The following SLC13A2 variants were observed in gnomAD, a reference collection of about 807,000 sequenced individuals.
SLC13A2 encodes the protein solute carrier family 13 member 2.
Under a neutral mutation model 58.5 loss-of-function variants are expected in SLC13A2, and 40 were observed. The ratio of observed to expected loss-of-function variants is 0.68; its 90% confidence interval spans 0.53 to 0.89. The LOEUF is 0.89. Ranked by LOEUF, SLC13A2 falls within the 40% of genes least tolerant of loss-of-function variation. The pLI is 0.00. For missense variants in SLC13A2, 694 were observed against 772.6 expected (o/e 0.90, Z 1.21); for synonymous variants, 341 against 331.6 (o/e 1.03, Z -0.31).
At chr17:28,476,337 G>A (rs746507511) in intron 1 of SLC13A2, among the ~76,000 whole-genome samples, 8 of 152,122 alleles carry the variant, frequency 5.3e-5, no homozygotes, top group Admixed American at 1.3e-4. Context: ...GTGAGGACGA[G>A]GCGGGAGAAT....
intron 1 of SLC13A2, among the ~76,000 whole-genome samples, chr17:28,477,370 A>G (rs1354632485): frequency 4.6e-5 from 7 of 151,008 alleles, no homozygotes; most frequent in Non-Finnish European, 1.0e-4. Flanking sequence ...ATTTTTTTGT[A>G]TTTTTAGTAG....
rs1404359381 is a variant in SLC13A2 at position 28,491,417 on chromosome 17, G to C, written c.575-20G>C. 17 of 1,612,194 alleles carry C rather than the reference G, an allele frequency of 1.1e-5. No homozygotes were observed. Among genetic ancestry groups the C allele is most frequent in the Non-Finnish European group, 1.4e-5 (17 of 1,179,548 alleles). ...GCTGGCCCTGTACCTGCCCCCACCT[G>C]GGCTCTCCCTTGTTCCCAGATAATG... On this transcript the variant is annotated intron_variant, in intron 4 of 11. Coordinates refer to ENST00000314669, the MANE Select transcript of SLC13A2 (RefSeq NM_003984.4).
intron 2 of SLC13A2, among the ~76,000 whole-genome samples, chr17:28,489,977 A>T (rs1555602823): frequency 6.6e-6 from 1 of 152,248 alleles, no homozygotes; most frequent in East Asian, 1.9e-4. Flanking sequence ...TTGATATTAA[A>T]TGATAGATAA....
At chr17:28,483,078 G>T (rs1485011397) in intron 1 of SLC13A2, among the ~76,000 whole-genome samples, 2 of 152,168 alleles carry the variant, frequency 1.3e-5, no homozygotes, top group Non-Finnish European at 2.9e-5. Context: ...GAGGAATAAG[G>T]TGTGACACCT....
chr17:28,490,291 T>G, intron 2 of SLC13A2, 163 bp from the exon 3 acceptor site: 2 of 1,577,180 alleles, frequency 1.3e-6, no homozygotes, highest in Non-Finnish European at 1.7e-6. Flanking sequence ...TTAAATTTAT[T>G]TTTTTTAAAT....
intron 1 of SLC13A2, among the ~76,000 whole-genome samples, 178 bp downstream of exon 1, chr17:28,473,992 T>A (rs2068629974): frequency 6.6e-6 from 1 of 152,178 alleles, no homozygotes; most frequent in Non-Finnish European, 1.5e-5. Flanking sequence ...AAGGGGCTTT[T>A]GCTTGGCACC....
intron 1 of SLC13A2, among the ~76,000 whole-genome samples, chr17:28,486,352 A>T (rs1475368091): frequency 2.0e-5 from 3 of 152,198 alleles, no homozygotes; most frequent in African/African-American, 7.2e-5. Context: ...TCATAACCTT[A>T]GTTCGATGTT....
intron 1 of SLC13A2, among the ~76,000 whole-genome samples, chr17:28,481,060 C>T (rs1249048585): frequency 6.6e-6 from 1 of 152,206 alleles, no homozygotes; most frequent in African/African-American, 2.4e-5. Flanking sequence ...TTTATCGGCA[C>T]CTGCTAGGTG....
chr17:28,475,929 C>T (rs1555599825), intron 1 of SLC13A2, among the ~76,000 whole-genome samples: 3 of 152,182 alleles, frequency 2.0e-5, no homozygotes, highest in Non-Finnish European at 4.4e-5. Flanking sequence ...CAATCTGTAA[C>T]CCCAGCCCTA....
chr17:28,493,856 T>A, intron 7 of SLC13A2, 67 bp downstream of exon 7: 1 of 1,531,258 alleles, frequency 6.5e-7, no homozygotes, highest in Non-Finnish European at 9.0e-7. Context: ...GAGGGAAGGG[T>A]ATAGGGCCCC....
intron 1 of SLC13A2, among the ~76,000 whole-genome samples, chr17:28,476,750 AT>A (rs2068677919): frequency 6.6e-6 from 1 of 152,066 alleles, no homozygotes; most frequent in African/African-American, 2.4e-5. Context: ...CTATTTGCTT[AT>A]TTTTTACTTC....
Position 28,494,094 on chromosome 17 carries a change from C to G in SLC13A2, c.1175C>G (p.Thr392Ser), listed in dbSNP as rs781989539. The change falls in exon 8 of 12, where the codon ACC becomes AGC. Residue 392 changes from threonine (T) to serine (S), a missense_variant. Physicochemically the swap from Thr to Ser is moderately conservative, Grantham distance 58. Coordinates refer to ENST00000314669, the MANE Select transcript of SLC13A2 (RefSeq NM_003984.4). This position sits in a 1 kb window ranked among gnomAD's most constrained non-coding sequence, Gnocchi z 4.0. ...FIIPSKFPGL[T>S]QDPENPGKLK... is the part of the protein sequence containing the mutation. ...ATACCCTCCAAGTTCCCAGGGCTGA[C>G]CCAGGACCCAGGTAAGCACCTGGAC... is the stretch of plus-strand genomic sequence containing the variant. 2 of 1,614,068 alleles carry G rather than the reference C, an allele frequency of 1.2e-6. No individual in the cohort carries two copies.
In SLC13A2 at chr17:28,492,264, C is replaced by T. The variant is rs144574744; in HGVS notation, c.878+412C>T. On this transcript the variant is annotated intron_variant, in intron 6 of 11. Transcript: ENST00000314669. ...ACTGAGAATACTAGAAGGCACTGGG[C>T]ACAGTCCCTGTCCTTGTAGCCCATC... Among the ~76,000 whole-genome samples the T allele has an allele frequency of 3.3e-4, 51 of 152,336 alleles. 1 individual carries two copies. In the East Asian group the frequency reaches 9.8e-3, roughly 29 times the overall value.
At chr17:28,476,717 G>A (rs117620077) in intron 1 of SLC13A2, among the ~76,000 whole-genome samples, 1 of 152,260 alleles carries the variant, frequency 6.6e-6, no homozygotes, top group Non-Finnish European at 1.5e-5. Flanking sequence ...TTTGTTTATA[G>A]GGTGTTTACT....
At chr17:28,478,454 T>C (rs1334986521) in intron 1 of SLC13A2, among the ~76,000 whole-genome samples, 1 of 152,236 alleles carries the variant, frequency 6.6e-6, no homozygotes, top group Non-Finnish European at 1.5e-5. Context: ...GCCAGAAGGC[T>C]GCAGAGCTCA....
intron 1 of SLC13A2, among the ~76,000 whole-genome samples, chr17:28,487,760 G>C (rs2068910218): frequency 6.6e-6 from 1 of 152,148 alleles, no homozygotes; most frequent in Non-Finnish European, 1.5e-5. Flanking sequence ...GAGGGTCAAA[G>C]TGGCCCCAAT....
chr17:28,487,650 T>A, intron 1 of SLC13A2: 1 of 870,016 alleles, frequency 1.1e-6, no homozygotes, highest in Non-Finnish European at 1.4e-6. Context: ...CCACCCTTAG[T>A]CCAAGGGGAG....
At position 28,494,523 on chromosome 17, in the gene SLC13A2, C is replaced by T. The variant is rs2069102043; in HGVS notation, c.1308+11C>T. 1.2e-6 allele frequency: 2 copies of T among 1,613,786 alleles called. No homozygotes were observed. Among genetic ancestry groups the T allele is most frequent in the South Asian group, 1.1e-5 (1 of 91,040 alleles). Reference sequence around the variant, plus strand: ...GCCAAGGGCAGTGAGGTGAGAGGCCCCCAGCCCCCTCCTCAGCCTGTGTGA... The same window carrying T: ...GCCAAGGGCAGTGAGGTGAGAGGCCTCCAGCCCCCTCCTCAGCCTGTGTGA... On this transcript the variant is annotated intron_variant, in intron 9 of 11. Transcript: ENST00000314669. The surrounding 1 kb of genome is among the most constrained non-coding windows in gnomAD (Gnocchi z 4.0).
Position 28,473,770 on chromosome 17 carries a change from G to T in SLC13A2, c.58G>T (p.Val20Leu), listed in dbSNP as rs368245623. 2.5e-6 allele frequency: 4 copies of T among 1,613,980 alleles called. No individual in the cohort carries two copies. Among genetic ancestry groups the T allele is most frequent in the South Asian group, 2.2e-5 (2 of 91,076 alleles). The change falls in exon 1 of 12, where the codon GTG (valine) becomes TTG (leucine). Residue 20 changes from valine (V) to leucine (L), a missense_variant. Transcript: ENST00000314669. ...TCGCTCCTACCTGATCGTGTTCTTC[G>T]TGCCCATTCTCCTGCTGCCTCTGCC... Reference protein sequence around the residue: ...AYRSYLIVFFVPILLLPLPIL... With the variant: ...AYRSYLIVFFLPILLLPLPIL...
Sources: gnomAD v4.1 joint callset for allele counts (sites outside exome capture counted in the v4.1 genomes callset) on GRCh38, gnomAD v4.1.1 for gene constraint, Gnocchi (gnomAD v3.1) non-coding constraint, MANE v1.5 for transcripts, NCBI Gene and HGNC (gene_info 2026-07-23, HGNC 2026-07-21) for gene names.